CDC14A: variants seen among roughly 807,000 people sequenced by gnomAD.
CDC14A encodes dual specificity protein phosphatase CDC14A.
In CDC14A, 53 loss-of-function variants were observed where a neutral mutation model predicts 74.4. The ratio of observed to expected loss-of-function variants is 0.71; its 90% confidence interval spans 0.57 to 0.89. The LOEUF (loss-of-function observed/expected upper bound fraction) is 0.89, where lower values mean the gene tolerates loss of function less well. Ranked by LOEUF, CDC14A falls within the 40% of genes least tolerant of loss-of-function variation. The pLI is 0.00. For missense variants in CDC14A, 646 were observed against 713.7 expected (o/e 0.91, Z 1.08); for synonymous variants, 247 against 258.4 (o/e 0.96, Z 0.43).
intron 4 of CDC14A, among the ~76,000 whole-genome samples, chr1:100,418,960 G>C (rs909274291): frequency 6.6e-6 from 1 of 152,116 alleles, no homozygotes; most frequent in African/African-American, 2.4e-5. Context: ...TGAGGCGGGT[G>C]GATCACTTGA....
chr1:100,403,454 T>A (rs1055775995), intron 4 of CDC14A, among the ~76,000 whole-genome samples: 2 of 152,236 alleles, frequency 1.3e-5, no homozygotes, highest in East Asian at 3.8e-4. Flanking sequence ...ATTTTTGGCA[T>A]TGAATGAGCA....
chr1:100,501,722 ATTG>A (rs1266812003), intron 15 of CDC14A, among the ~76,000 whole-genome samples: 1 of 152,192 alleles, frequency 6.6e-6, no homozygotes, highest in Non-Finnish European at 1.5e-5. Context: ...AGAAGAAGGC[ATTG>A]TTGTTATAAG....
At position 100,412,699 on chromosome 1, in the gene CDC14A, TATA is replaced by T. The variant is rs1557731694; in HGVS notation, c.310-11522_310-11520del. 5.2e-5 allele frequency among the ~76,000 whole-genome samples: 2 copies of T among 38,352 alleles called. 1 individual carries two copies. The highest frequency in any genetic ancestry group is 2.7e-4 in the African/African-American group (2 of 7,412). 25.2% of individuals were successfully genotyped at this position (38,352 alleles called of 152,430 possible). A position where few individuals can be genotyped will look rare whatever the true frequency, so the allele number is the denominator to read the frequency against. The stretch of plus-strand genomic sequence containing the variant: ...GTGGGTGAACTTCCTGTATGTTTTA[TATA>T]TATATATATATATATATATATTTTA... On this transcript the variant is annotated intron_variant, in intron 4 of 15. Coordinates refer to ENST00000336454, the MANE Select transcript of CDC14A (RefSeq NM_003672.4).
At chr1:100,448,763 C>T (rs1168033013) in intron 7 of CDC14A, among the ~76,000 whole-genome samples, 1 of 152,226 alleles carries the variant, frequency 6.6e-6, no homozygotes, top group Non-Finnish European at 1.5e-5. Flanking sequence ...CTTTTCAGTT[C>T]ATTTGTTGAA....
intron 4 of CDC14A, among the ~76,000 whole-genome samples, chr1:100,400,543 G>A (rs1041525668): frequency 6.6e-6 from 1 of 152,108 alleles, no homozygotes; most frequent in Non-Finnish European, 1.5e-5. Flanking sequence ...GCTGGGGCTG[G>A]GCAATTTCCT....
intron 8 of CDC14A, 135 bp downstream of exon 8, chr1:100,455,627 A>G (rs1444892871): frequency 1.6e-6 from 1 of 617,278 alleles, no homozygotes; most frequent in East Asian, 2.9e-5. Flanking sequence ...AAAATTGAAC[A>G]GTAGTAATAG....
intron 4 of CDC14A, among the ~76,000 whole-genome samples, chr1:100,398,695 G>A (rs779985980): frequency 7.2e-5 from 11 of 152,232 alleles, no homozygotes; most frequent in South Asian, 2.1e-4. Context: ...TGTTTAAAGC[G>A]GGCAATAGGT....
chr1:100,379,103 G>A (rs1655734495), intron 3 of CDC14A, among the ~76,000 whole-genome samples: 3 of 152,136 alleles, frequency 2.0e-5, no homozygotes, highest in African/African-American at 7.2e-5. Context: ...TCTGGGAACC[G>A]AGTACTATCT....
Position 100,462,675 on chromosome 1 carries a change from C to A in CDC14A, c.632C>A (p.Ala211Asp), listed in dbSNP as rs373986788. 1.2e-6 allele frequency: 2 copies of A among 1,614,124 alleles called. No homozygotes were observed. Among genetic ancestry groups the A allele is most frequent in the African/African-American group, 2.7e-5 (2 of 75,048 alleles). Residue 211 changes from alanine to aspartate, a missense_variant, in exon 9 of 16, where the codon GCC becomes GAC. Coordinates refer to ENST00000336454, the MANE Select transcript of CDC14A (RefSeq NM_003672.4). ...GGTTATCCTCTTCACGCCCCTGAAG[C>A]CTACTTTCCTTATTTCAAAAAGCAT... The part of the protein sequence containing the change: ...ENGYPLHAPE[A>D]YFPYFKKHNV...
At chr1:100,464,495 G>A (rs1426304012) in intron 9 of CDC14A, among the ~76,000 whole-genome samples, 3 of 152,144 alleles carry the variant, frequency 2.0e-5, no homozygotes, top group Non-Finnish European at 2.9e-5. Flanking sequence ...CACATGTCAC[G>A]TATTTTAAAC....
chr1:100,421,343 A>T (rs922693105), intron 4 of CDC14A, among the ~76,000 whole-genome samples: 2 of 152,240 alleles, frequency 1.3e-5, no homozygotes, highest in African/African-American at 4.8e-5. Context: ...ATTTTTAGAA[A>T]TATTAGAATA....
chr1:100,451,886 T>A (rs1666182094), intron 7 of CDC14A, among the ~76,000 whole-genome samples: 1 of 152,192 alleles, frequency 6.6e-6, no homozygotes, highest in Admixed American at 6.5e-5. Flanking sequence ...TATTTGTCAT[T>A]CCCACCTGCC....
chr1:100,487,590 C>CAAAAG (rs1670173259), intron 11 of CDC14A, among the ~76,000 whole-genome samples: 1 of 137,122 alleles, frequency 7.3e-6, no homozygotes, highest in Non-Finnish European at 1.5e-5. Flanking sequence ...CAAAACAAAA[C>CAAAAG]AAAACAAAAA....
intron 4 of CDC14A, among the ~76,000 whole-genome samples, chr1:100,401,066 C>T (rs776021930): frequency 6.6e-6 from 1 of 152,172 alleles, no homozygotes; most frequent in Non-Finnish European, 1.5e-5. Flanking sequence ...TTATCAGTAG[C>T]TTTGGAATAA....
At chr1:100,348,585 G>A (rs548392783), upstream of CDC14A, among the ~76,000 whole-genome samples, 1 of 152,298 alleles carries the variant, frequency 6.6e-6, no homozygotes, top group African/African-American at 2.4e-5. Context: ...AATGGGCAGA[G>A]ACTGGACTGG....
intron 7 of CDC14A, 82 bp from the exon 8 acceptor site, chr1:100,455,323 G>T (rs1004436338): frequency 5.8e-6 from 5 of 860,890 alleles, no homozygotes; most frequent in Non-Finnish European, 9.4e-6. Flanking sequence ...AGAGTGAAAA[G>T]CAGTTTTATT....
At position 100,427,897 on chromosome 1, in the gene CDC14A, G is replaced by T. The variant is rs142177247; in HGVS notation, c.389+3596G>T. On this transcript the variant is annotated intron_variant, in intron 5 of 15. Transcript: ENST00000336454. Reference sequence around the variant, plus strand: ...GAGGAAGGAGGTTTAACTCTGAAATGGGGGGGTAGGAGAAGATGTTAGGAA... The same window carrying T: ...GAGGAAGGAGGTTTAACTCTGAAATTGGGGGGTAGGAGAAGATGTTAGGAA... Among the ~76,000 whole-genome samples, 8 of 152,164 alleles carry T rather than the reference G, an allele frequency of 5.3e-5. No individual in the cohort carries two copies. In the East Asian group the frequency reaches 1.4e-3, roughly 26 times the overall value.
At chr1:100,429,234 T>TAAATAAATAAATAAAC (rs60569646) in intron 5 of CDC14A, among the ~76,000 whole-genome samples, 3,222 of 146,484 alleles carry the variant, frequency 0.022, 94 homozygotes, top group African/African-American at 0.064. Flanking sequence ...AATAAATAAA[T>TAAATAAATAAATAAAC]ATAAAATAAA....
intron 10 of CDC14A, 38 bp downstream of exon 10, chr1:100,468,132 T>G (rs1479995174): frequency 6.2e-7 from 1 of 1,610,158 alleles, no homozygotes. Context: ...TATATCCTGT[T>G]CTTGATCCTT....
Sources: gnomAD v4.1 joint callset for allele counts (sites outside exome capture counted in the v4.1 genomes callset) on GRCh38, gnomAD v4.1.1 for gene constraint, MANE v1.5 for transcripts, NCBI Gene and HGNC (gene_info 2026-07-23, HGNC 2026-07-21) for gene names.